The following CNTN5 variants were observed in gnomAD, a reference collection of about 807,000 sequenced individuals.
The protein encoded by CNTN5 is contactin-5.
A neutral mutation model predicts 129.1 loss-of-function variants in CNTN5; 77 were observed. The observed-to-expected ratio is 0.60, with a 90% confidence interval of 0.50 to 0.72. CNTN5 has a LOEUF of 0.72. CNTN5 is among the 30% of genes least tolerant of loss of function. CNTN5 has a pLI of 0.00. For synonymous variants in CNTN5, 509 were observed against 465.6 expected, an observed-to-expected ratio of 1.09 and a Z score of -1.20; for missense variants, 1,478 against 1,328.8, an observed-to-expected ratio of 1.11 and a Z score of -1.75.
intron 3 of CNTN5, among the ~76,000 whole-genome samples, chr11:99,689,433 A>G (rs1953939217): frequency 6.8e-6 from 1 of 146,404 alleles, no homozygotes; most frequent in Non-Finnish European, 1.5e-5. Flanking sequence ...AGGCTGAGGC[A>G]GGAGAATAGC....
intron 3 of CNTN5, among the ~76,000 whole-genome samples, chr11:99,754,378 TA>T (rs1944343094): frequency 6.6e-6 from 1 of 152,228 alleles, no homozygotes; most frequent in Non-Finnish European, 1.5e-5. Flanking sequence ...AACTATTTTT[TA>T]TTCTTCTCTC....
intron 2 of CNTN5, among the ~76,000 whole-genome samples, chr11:99,431,070 A>C (rs964053427): frequency 1.4e-5 from 2 of 146,024 alleles, no homozygotes; most frequent in Admixed American, 1.4e-4. Flanking sequence ...AGGCCTTGTT[A>C]GGCATAACTC....
chr11:99,547,788 A>G (rs1295941878), intron 2 of CNTN5, among the ~76,000 whole-genome samples: 2 of 152,198 alleles, frequency 1.3e-5, no homozygotes, highest in African/African-American at 2.4e-5. Context: ...ATTGATTTAT[A>G]AAGACAATCA....
chr11:99,885,167 A>T (rs1948869543), intron 6 of CNTN5, among the ~76,000 whole-genome samples: 1 of 152,086 alleles, frequency 6.6e-6, no homozygotes, highest in African/African-American at 2.4e-5. Flanking sequence ...CTATAGTCCT[A>T]GCTACTGGGG....
At chr11:99,618,564 C>G (rs1950830637) in intron 3 of CNTN5, among the ~76,000 whole-genome samples, 1 of 152,178 alleles carries the variant, frequency 6.6e-6, no homozygotes, top group Admixed American at 6.5e-5. Context: ...ATCTTCAGCA[C>G]AAAGTTTCAC....
At chr11:99,991,042 T>G (rs1939055168) in intron 8 of CNTN5, among the ~76,000 whole-genome samples, 1 of 152,180 alleles carries the variant, frequency 6.6e-6, no homozygotes, top group African/African-American at 2.4e-5. Context: ...ATGACATATC[T>G]CACACATAGC....
intron 2 of CNTN5, among the ~76,000 whole-genome samples, chr11:99,354,092 G>A (rs1032391232): frequency 5.9e-5 from 9 of 152,106 alleles, no homozygotes; most frequent in Non-Finnish European, 1.0e-4. Context: ...AGGAATTAAC[G>A]TGATACCTCC....
At chr11:99,674,951 C>T (rs143965443) in intron 3 of CNTN5, among the ~76,000 whole-genome samples, 1 of 151,966 alleles carries the variant, frequency 6.6e-6, no homozygotes, top group African/African-American at 2.4e-5. Context: ...GATGTGCATA[C>T]TGGATTATGA....
chr11:99,495,077 TA>T (rs1468655080), intron 2 of CNTN5, among the ~76,000 whole-genome samples: 1 of 152,144 alleles, frequency 6.6e-6, no homozygotes, highest in Non-Finnish European at 1.5e-5. Flanking sequence ...TACCTTTATT[TA>T]AATCACCCCT....
chr11:99,328,443 G>T (rs78153024), intron 2 of CNTN5, among the ~76,000 whole-genome samples: 2,692 of 151,994 alleles, frequency 0.018, 48 homozygotes, highest in African/African-American at 0.039. Context: ...ATTTTGAGGT[G>T]GTTCTTATAG....
At chr11:99,333,853 T>C (rs757108319) in intron 2 of CNTN5, among the ~76,000 whole-genome samples, 3 of 151,964 alleles carry the variant, frequency 2.0e-5, no homozygotes, top group South Asian at 2.1e-4. Flanking sequence ...TGATAACGGA[T>C]TGTCATATTA....
rs760349613 is a variant in CNTN5 at position 100,061,434 on chromosome 11, A to G, written c.1162+41A>G. 8.6e-6 allele frequency: 12 copies of G among 1,399,724 alleles called. No homozygotes were observed. The African/African-American group carries it at 1.7e-4, about 20-fold the overall frequency. 86.7% of individuals were successfully genotyped at this position (1,399,724 alleles called of 1,614,324 possible). ...AAAGCATGATTGCTCTAGTCCCAAA[A>G]GTCAAACTGAAAGTGGAAATTAACT... is the stretch of plus-strand genomic sequence containing the variant. On this transcript the variant is annotated intron_variant, in intron 10 of 24. Coordinates refer to ENST00000524871, the MANE Select transcript of CNTN5 (RefSeq NM_014361.4).
intron 21 of CNTN5, among the ~76,000 whole-genome samples, chr11:100,326,456 G>T (rs959668568): frequency 6.6e-6 from 1 of 152,008 alleles, no homozygotes; most frequent in Non-Finnish European, 1.5e-5. Flanking sequence ...CATCACCAAA[G>T]ACTATTGATT....
At chr11:99,519,778 G>GA (rs1285732340) in intron 2 of CNTN5, among the ~76,000 whole-genome samples, 4 of 151,860 alleles carry the variant, frequency 2.6e-5, no homozygotes, top group African/African-American at 9.7e-5. Flanking sequence ...AGTTTACATG[G>GA]AAAAAAAGAA....
chr11:99,588,602 A>G (rs1165775108), intron 3 of CNTN5, among the ~76,000 whole-genome samples: 1 of 152,108 alleles, frequency 6.6e-6, no homozygotes, highest in African/African-American at 2.4e-5. Context: ...TCAACATTCC[A>G]CCCTCTGTGG....
intron 6 of CNTN5, among the ~76,000 whole-genome samples, chr11:99,871,622 A>G (rs1948505259): frequency 6.6e-6 from 1 of 151,950 alleles, no homozygotes. Context: ...AAACAACAAA[A>G]GGACATAAAG....
chr11:100,173,872 C>T (rs1286521687), intron 13 of CNTN5, among the ~76,000 whole-genome samples: 3 of 152,058 alleles, frequency 2.0e-5, no homozygotes, highest in African/African-American at 7.2e-5. Context: ...CTCATTCTGT[C>T]CTACTTTGAT....
At chr11:99,747,822 CATT>C (rs1944105327) in intron 3 of CNTN5, among the ~76,000 whole-genome samples, 1 of 152,086 alleles carries the variant, frequency 6.6e-6, no homozygotes, top group Non-Finnish European at 1.5e-5. Flanking sequence ...AGTTTTTCAT[CATT>C]GAGTGTGATA....
chr11:100,038,978 A>G (rs1942209771), intron 9 of CNTN5, among the ~76,000 whole-genome samples: 1 of 152,040 alleles, frequency 6.6e-6, no homozygotes, highest in South Asian at 2.1e-4. Context: ...ATTTAAGGTT[A>G]ATATTGTTAT....
Sources: allele counts gnomAD v4.1 joint callset (sites outside exome capture counted in the v4.1 genomes callset), GRCh38; gene constraint gnomAD v4.1.1; transcripts MANE v1.5; gene names NCBI Gene and HGNC (gene_info 2026-07-23, HGNC 2026-07-21).